The following NCAM2 variants were observed in gnomAD, a reference collection of about 807,000 sequenced individuals.
NCAM2 encodes the protein N-CAM-2.
A neutral mutation model predicts 98.1 loss-of-function variants in NCAM2; 30 were observed. That is an observed-to-expected ratio of 0.31 (90% CI 0.23 to 0.41). The LOEUF is 0.41. Ranked by LOEUF, NCAM2 falls within the 10% of genes least tolerant of loss-of-function variation. The probability of loss-of-function intolerance (pLI) is 1.00; values close to 1 mark genes in which losing one functional copy is unlikely to be tolerated. For synonymous variants in NCAM2, 368 were observed against 342.4 expected (o/e 1.07, Z -0.83); for missense variants, 867 against 1,005.8 (o/e 0.86, Z 1.87).
At position 21,093,776 on chromosome 21, in the gene NCAM2, C is replaced by T. The variant is rs114387806; in HGVS notation, c.55+95158C>T. On this transcript the variant is annotated intron_variant, in intron 1 of 17. Transcript: ENST00000400546. ...CAGTGCCTCATTTCTGCCTCCAAAC[C>T]CAGCAGCATCTTTCTCTTTGTTACT... is the stretch of plus-strand genomic sequence containing the variant. 8.1e-3 allele frequency among the ~76,000 whole-genome samples: 1,232 copies of T among 152,122 alleles called. 22 individuals carry two copies. The highest frequency in any genetic ancestry group is 0.027 in the African/African-American group (1,135 of 41,548).
intron 15 of NCAM2, among the ~76,000 whole-genome samples, chr21:21,497,035 A>G (rs1322965409): frequency 6.6e-6 from 1 of 152,148 alleles, no homozygotes; most frequent in African/African-American, 2.4e-5. Context: ...CAGCCATAAA[A>G]AAAATGACAT....
chr21:21,473,394 T>TATATA (rs1569099964), intron 14 of NCAM2, among the ~76,000 whole-genome samples: 4 of 99,870 alleles, frequency 4.0e-5, no homozygotes, highest in Non-Finnish European at 9.3e-5. Context: ...ATATATATAT[T>TATATA]ATATATAAAA....
rs71193401 is a variant in NCAM2 at position 21,123,848 on chromosome 21, C to CTTTTTTTTTTTTTTTTTTTTTTTT, written c.55+125247_55+125248insTTTTTTTTTTTTTTTTTTTTTTTT. 4.7e-4 allele frequency among the ~76,000 whole-genome samples: 41 copies of CTTTTTTTTTTTTTTTTTTTTTTTT among 86,656 alleles called. 5 individuals carry two copies. Among genetic ancestry groups the CTTTTTTTTTTTTTTTTTTTTTTTT allele is most frequent in the South Asian group, 9.5e-4 (2 of 2,098 alleles). 56.8% of individuals were successfully genotyped at this position (86,656 alleles called of 152,430 possible). Reference sequence around the variant, plus strand: ...GCACATTTGAATTCATTCTTGATTGCTTTTTTTTTTTTTTTTTGAGACGGA... The same window carrying CTTTTTTTTTTTTTTTTTTTTTTTT: ...GCACATTTGAATTCATTCTTGATTGCTTTTTTTTTTTTTTTTTTTTTTTTTTTTTTTTTTTTTTTTTGAGACGGA... On this transcript the variant is annotated intron_variant, in intron 1 of 17. Coordinates refer to ENST00000400546, the MANE Select transcript of NCAM2 (RefSeq NM_004540.5).
chr21:21,337,574 T>C (rs1317363893), intron 7 of NCAM2, among the ~76,000 whole-genome samples: 1 of 152,010 alleles, frequency 6.6e-6, no homozygotes, highest in Admixed American at 6.6e-5. Context: ...TAATGAGTAC[T>C]TGATTGTATC....
chr21:21,394,817 T>C (rs2076467071), intron 9 of NCAM2, among the ~76,000 whole-genome samples: 1 of 152,106 alleles, frequency 6.6e-6, no homozygotes, highest in Non-Finnish European at 1.5e-5. Context: ...ACAATAGATA[T>C]AACACTGGAT....
chr21:21,031,626 G>C (rs779895778), intron 1 of NCAM2, among the ~76,000 whole-genome samples: 1 of 152,222 alleles, frequency 6.6e-6, no homozygotes, highest in Non-Finnish European at 1.5e-5. Flanking sequence ...AAGCTGTAAA[G>C]TATGTCTCCA....
At chr21:21,048,332 T>C (rs979955265) in intron 1 of NCAM2, among the ~76,000 whole-genome samples, 15 of 152,056 alleles carry the variant, frequency 9.9e-5, no homozygotes, top group Admixed American at 9.8e-4. Flanking sequence ...CTTTAAGTTG[T>C]CCCCCCTTTC....
intron 1 of NCAM2, among the ~76,000 whole-genome samples, chr21:21,268,461 A>G (rs1012830621): frequency 6.6e-6 from 1 of 152,214 alleles, no homozygotes; most frequent in Non-Finnish European, 1.5e-5. Context: ...ACGTTGATGC[A>G]GGATCACTGT....
chr21:21,106,592 A>G (rs2066354525), intron 1 of NCAM2, among the ~76,000 whole-genome samples: 1 of 151,868 alleles, frequency 6.6e-6, no homozygotes, highest in African/African-American at 2.4e-5. Flanking sequence ...ATAATTTTAG[A>G]TCCTTTGTAG....
At position 21,255,004 on chromosome 21, in the gene NCAM2, G is replaced by A. The variant is rs182816413; in HGVS notation, c.56-25574G>A. On this transcript the variant is annotated intron_variant, in intron 1 of 17. Transcript: ENST00000400546. ...GTATAATGTTTATATAATACTGAAC[G>A]TTATCAATAATTTTTTGCATCAAAA... Among the ~76,000 whole-genome samples, 10 of 150,254 alleles carry A rather than the reference G, an allele frequency of 6.7e-5. No individual in the cohort carries two copies. The South Asian group carries it at 1.1e-3, about 16-fold the overall frequency.
rs60565630 is a variant in NCAM2, at chr21:21,182,535, A to G, written c.56-98043A>G. Reference sequence around the variant, plus strand: ...CTTTGATATTCATCTCTATTATCCCAGCTATTAATGTGATTCATGGTACTG... The same window carrying G: ...CTTTGATATTCATCTCTATTATCCCGGCTATTAATGTGATTCATGGTACTG... On this transcript the variant is annotated intron_variant, in intron 1 of 17. Coordinates refer to ENST00000400546, the MANE Select transcript of NCAM2 (RefSeq NM_004540.5). Among the ~76,000 whole-genome samples the G allele has an allele frequency of 2.8e-3, 426 of 152,272 alleles. 3 individuals are homozygous for G. Among genetic ancestry groups the G allele is most frequent in the African/African-American group, 9.7e-3 (403 of 41,566 alleles).
At chr21:21,498,456 G>T (rs1263802877) in intron 15 of NCAM2, among the ~76,000 whole-genome samples, 1 of 151,994 alleles carries the variant, frequency 6.6e-6, no homozygotes, top group Non-Finnish European at 1.5e-5. Context: ...GAGATTACAT[G>T]TTGTACCCAT....
chr21:21,279,445 GC>G (rs1601849331), intron 1 of NCAM2, among the ~76,000 whole-genome samples: 1 of 151,994 alleles, frequency 6.6e-6, no homozygotes, highest in East Asian at 1.9e-4. Context: ...TGCAACCTCC[GC>G]CTTCCAGTTT....
At chr21:21,410,221 A>T (rs2076828428) in intron 9 of NCAM2, 53 bp from the exon 10 acceptor site, 2 of 991,540 alleles carry the variant, frequency 2.0e-6, no homozygotes, top group Non-Finnish European at 2.8e-6. Flanking sequence ...TACTTAAATG[A>T]TTATTTAACT....
chr21:21,452,558 A>G (rs1478898224), intron 12 of NCAM2, among the ~76,000 whole-genome samples: 1 of 105,542 alleles, frequency 9.5e-6, no homozygotes, highest in African/African-American at 3.4e-5. Context: ...AATATATACT[A>G]TATATAGTAT....
At chr21:21,347,690 C>T (rs1409323410) in intron 8 of NCAM2, among the ~76,000 whole-genome samples, 1 of 151,788 alleles carries the variant, frequency 6.6e-6, no homozygotes, top group Non-Finnish European at 1.5e-5. Flanking sequence ...AACAAAGACA[C>T]ATAAAAAAAG....
intron 1 of NCAM2, among the ~76,000 whole-genome samples, chr21:21,259,579 C>A (rs1020615585): frequency 2.0e-5 from 3 of 152,122 alleles, no homozygotes; most frequent in African/African-American, 7.2e-5. Flanking sequence ...TTAAATGCCA[C>A]CTACTGAACT....
At chr21:21,280,272 T>C (rs933908022) in intron 1 of NCAM2, among the ~76,000 whole-genome samples, 5 of 152,154 alleles carry the variant, frequency 3.3e-5, no homozygotes, top group African/African-American at 1.2e-4. Context: ...TGGTCACACA[T>C]ATAAGACCTA....
chr21:21,064,870 T>C (rs1435186553), intron 1 of NCAM2, among the ~76,000 whole-genome samples: 5 of 152,014 alleles, frequency 3.3e-5, no homozygotes, highest in Non-Finnish European at 7.4e-5. Context: ...GCTCATTTCT[T>C]TTCTAGGGTT....
Sources: gnomAD v4.1 joint callset for allele counts (sites outside exome capture counted in the v4.1 genomes callset) on GRCh38, gnomAD v4.1.1 for gene constraint, MANE v1.5 for transcripts, NCBI Gene and HGNC (gene_info 2026-07-23, HGNC 2026-07-21) for gene names.